Variants in NR3C1 observed in about 807,000 individuals in gnomAD.
The protein encoded by NR3C1 is nuclear receptor subfamily 3 group C member 1.
NR3C1 carries 14 observed loss-of-function variants against 74.0 expected under a neutral mutation model. The observed-to-expected ratio is 0.19, with a 90% CI of 0.12 to 0.30. The LOEUF (loss-of-function observed/expected upper bound fraction) is 0.30, where lower values mean the gene tolerates loss of function less well. Among genes scored for constraint, NR3C1 ranks in the 10% least tolerant of loss-of-function variants. The pLI is 1.00. For missense variants in NR3C1, 695 were observed against 909.8 expected (o/e 0.76, Z 3.04); for synonymous variants, 308 against 332.5 (o/e 0.93, Z 0.80).
intron 2 of NR3C1, among the ~76,000 whole-genome samples, chr5:143,354,114 G>A (rs1441582534): frequency 1.3e-5 from 2 of 152,140 alleles, no homozygotes; most frequent in Admixed American, 1.3e-4. Context: ...TTTTTCTTCT[G>A]CAGCTTTCTC....
intron 1 of NR3C1, among the ~76,000 whole-genome samples, chr5:143,418,730 G>C (rs1304085860): frequency 6.6e-6 from 1 of 152,152 alleles, no homozygotes; most frequent in Non-Finnish European, 1.5e-5. Flanking sequence ...GGTGCTGGGT[G>C]GCAGGCAGGT....
intron 2 of NR3C1, 64 bp from the exon 3 acceptor site, chr5:143,314,232 T>C: frequency 7.1e-6 from 11 of 1,544,462 alleles, no homozygotes; most frequent in Non-Finnish European, 9.8e-6. Flanking sequence ...TACAGTTCTC[T>C]TAGCTTCTCA....
chr5:143,357,982 G>A (rs1047437502), intron 2 of NR3C1, among the ~76,000 whole-genome samples: 3 of 152,120 alleles, frequency 2.0e-5, no homozygotes, highest in Admixed American at 6.5e-5. Context: ...TTGAGTGAAC[G>A]AATAAATACT....
intron 2 of NR3C1, among the ~76,000 whole-genome samples, chr5:143,364,685 A>G (rs1439231365): frequency 6.6e-6 from 1 of 152,132 alleles, no homozygotes; most frequent in Non-Finnish European, 1.5e-5. Context: ...AGTTGAGTTG[A>G]TATTAATCTA....
intron 2 of NR3C1, among the ~76,000 whole-genome samples, chr5:143,378,100 A>C (rs1234979742): frequency 6.6e-6 from 1 of 152,028 alleles, no homozygotes; most frequent in Non-Finnish European, 1.5e-5. Context: ...AGATTTAAAA[A>C]ATTAGCCAAG....
chr5:143,371,098 C>T (rs1437311469), intron 2 of NR3C1, among the ~76,000 whole-genome samples: 4 of 152,058 alleles, frequency 2.6e-5, no homozygotes, highest in Non-Finnish European at 5.9e-5. Context: ...TAACCAAAGA[C>T]CAGAAAAGGG....
chr5:143,325,021 G>T (rs1346256515), intron 2 of NR3C1, among the ~76,000 whole-genome samples: 1 of 152,136 alleles, frequency 6.6e-6, no homozygotes, highest in African/African-American at 2.4e-5. Context: ...TCTCTAGGAG[G>T]TTCCTAACTT....
intron 2 of NR3C1, among the ~76,000 whole-genome samples, chr5:143,314,907 C>T (rs1031872550): frequency 1.3e-5 from 2 of 152,064 alleles, no homozygotes; most frequent in Non-Finnish European, 2.9e-5. Flanking sequence ...TCCATTCTGC[C>T]CACTCCACTC....
intron 2 of NR3C1, among the ~76,000 whole-genome samples, chr5:143,373,206 T>G (rs1374009293): frequency 1.3e-5 from 2 of 152,172 alleles, no homozygotes; most frequent in East Asian, 1.9e-4. Flanking sequence ...TTATTCAATT[T>G]CTAGGTATAA....
At position 143,281,762 on chromosome 5, in the gene NR3C1, A is replaced by T; in HGVS notation, c.*127T>A. 9.2e-7 allele frequency: 1 copy of T among 1,092,310 alleles called. No individual in the cohort carries two copies. The highest frequency in any genetic ancestry group is 1.3e-6 in the Non-Finnish European group (1 of 749,200). 67.7% of individuals were successfully genotyped at this position (1,092,310 alleles called of 1,614,324 possible). Reference sequence around the variant, plus strand: ...TATAAACCACATGTAGTGCGTATTTAAAACAAAACAACAGATGAAAACAAT... The same window carrying T: ...TATAAACCACATGTAGTGCGTATTTTAAACAAAACAACAGATGAAAACAAT... On this transcript the variant is annotated 3_prime_UTR_variant, in exon 9 of 9. Coordinates refer to ENST00000394464, the MANE Select transcript of NR3C1 (RefSeq NM_000176.3).
chr5:143,393,835 T>C (rs1030020467), intron 2 of NR3C1, among the ~76,000 whole-genome samples: 1 of 152,184 alleles, frequency 6.6e-6, no homozygotes, highest in Non-Finnish European at 1.5e-5. Context: ...CTAAATATTA[T>C]GGACAGTTAT....
At chr5:143,432,697 A>G (rs905003212) in intron 1 of NR3C1, among the ~76,000 whole-genome samples, 4 of 152,158 alleles carry the variant, frequency 2.6e-5, no homozygotes, top group African/African-American at 9.7e-5. Context: ...AAGCAACTCA[A>G]CTTCTGTGGC....
chr5:143,294,587 A>G (rs1663671541), intron 7 of NR3C1, among the ~76,000 whole-genome samples: 1 of 152,156 alleles, frequency 6.6e-6, no homozygotes, highest in Non-Finnish European at 1.5e-5. Flanking sequence ...CCATTGTAGT[A>G]TCATACGAAG....
intron 2 of NR3C1, among the ~76,000 whole-genome samples, chr5:143,346,648 C>T (rs976632413): frequency 1.3e-5 from 2 of 152,136 alleles, no homozygotes; most frequent in Non-Finnish European, 2.9e-5. Context: ...ATGTTTATAT[C>T]CTAGTTGTGA....
chr5:143,395,531 T>C (rs1428577427), intron 2 of NR3C1, among the ~76,000 whole-genome samples: 1 of 151,872 alleles, frequency 6.6e-6, no homozygotes, highest in African/African-American at 2.4e-5. Flanking sequence ...ACAATTACTC[T>C]TGATGAAAAT....
At chr5:143,393,028 G>C (rs1600538509) in intron 2 of NR3C1, among the ~76,000 whole-genome samples, 1 of 152,138 alleles carries the variant, frequency 6.6e-6, no homozygotes, top group East Asian at 1.9e-4. Flanking sequence ...AAAAAATTAG[G>C]GGGTAGAATT....
rs940880698 is a variant in NR3C1, at chr5:143,403,373, G to A, written c.-176C>T. 9.1e-6 allele frequency: 9 copies of A among 985,182 alleles called. No individual in the cohort carries two copies. Among genetic ancestry groups the A allele is most frequent in the African/African-American group, 3.5e-5 (2 of 57,174 alleles). 61.0% of individuals were successfully genotyped at this position (985,182 alleles called of 1,614,324 possible). ...CCCTTTCTCCATGGGTGGGGGGAGA[G>A]CCCCTATTTAAGAAAGTCTCCCATT... On this transcript the variant is annotated 5_prime_UTR_variant, in exon 1 of 9. Transcript: ENST00000394464.
upstream of NR3C1, among the ~76,000 whole-genome samples, chr5:143,405,995 T>A (rs1232700757): frequency 6.6e-6 from 1 of 152,154 alleles, no homozygotes; most frequent in African/African-American, 2.4e-5. Context: ...GACCCAACCC[T>A]ACAATAATGT....
intron 2 of NR3C1, among the ~76,000 whole-genome samples, chr5:143,384,210 C>T (rs747133671): frequency 1.3e-4 from 20 of 152,186 alleles, no homozygotes; most frequent in Non-Finnish European, 2.2e-4. Flanking sequence ...GAGGGAAGTC[C>T]ACCCTTGTGA....
Sources: gnomAD v4.1 joint callset for allele counts (sites outside exome capture counted in the v4.1 genomes callset) on GRCh38, gnomAD v4.1.1 for gene constraint, MANE v1.5 for transcripts, NCBI Gene and HGNC (gene_info 2026-07-23, HGNC 2026-07-21) for gene names.